Variants in KNTC1 observed in about 807,000 individuals in gnomAD.
KNTC1 encodes kinetochore associated 1.
KNTC1 carries 253 observed loss-of-function variants against 314.4 expected under a neutral mutation model. The observed-to-expected ratio is 0.80, with a 90% confidence interval of 0.73 to 0.89. The LOEUF (loss-of-function observed/expected upper bound fraction) is 0.89. Among genes scored for constraint, KNTC1 ranks in the 40% least tolerant of loss-of-function variants. The probability of loss-of-function intolerance (pLI) is 0.00; values close to 1 mark genes in which losing one functional copy is unlikely to be tolerated. For synonymous variants in KNTC1, 901 were observed against 901.4 expected (o/e 1.00, Z 0.01); for missense variants, 2,475 against 2,572.9 (o/e 0.96, Z 0.82).
intron 8 of KNTC1, among the ~76,000 whole-genome samples, 188 bp downstream of exon 8, chr12:122,544,457 TTC>T (rs1271515053): frequency 6.6e-6 from 1 of 152,192 alleles, no homozygotes; most frequent in Non-Finnish European, 1.5e-5. Context: ...CATCTTTACT[TTC>T]CCTAGTCTTT....
chr12:122,609,406 T>A lies in KNTC1; in HGVS notation c.5519T>A (p.Leu1840His). ...AAGAAACCATCAGAATTATTTGAACTTCAAGAAGATGAAGCCCTACGAAGG... is the reference window on the plus strand; with the variant it reads ...AAGAAACCATCAGAATTATTTGAACATCAAGAAGATGAAGCCCTACGAAGG... ...PGEKPSELFE[L>H]QEDEALRRVQ... Residue 1840 changes from leucine (L) to histidine (H), a missense_variant, in exon 52 of 64, where the codon CTT becomes CAT. Leu to His is a moderately conservative substitution (Grantham distance 99). Coordinates refer to ENST00000333479, the MANE Select transcript of KNTC1 (RefSeq NM_014708.6). 2 of 1,586,904 alleles carry A rather than the reference T, an allele frequency of 1.3e-6. No homozygotes were observed. Among genetic ancestry groups the A allele is most frequent in the South Asian group, 2.3e-5 (2 of 86,232 alleles).
chr12:122,568,065 G>A (rs976170584), intron 20 of KNTC1, among the ~76,000 whole-genome samples, 196 bp from the exon 21 acceptor site: 2 of 152,140 alleles, frequency 1.3e-5, no homozygotes, highest in African/African-American at 4.8e-5. Context: ...GGAAGATGTC[G>A]GGAGTTCTAG....
intron 1 of KNTC1, 93 bp from the exon 2 acceptor site, chr12:122,529,898 C>A: frequency 1.7e-6 from 1 of 605,680 alleles, no homozygotes; most frequent in Non-Finnish European, 2.7e-6. Flanking sequence ...AACAAGAAGA[C>A]TAAGATGTCT....
At chr12:122,553,972 T>C (rs963976100) in intron 16 of KNTC1, among the ~76,000 whole-genome samples, 4 of 151,270 alleles carry the variant, frequency 2.6e-5, no homozygotes, top group African/African-American at 7.3e-5. Flanking sequence ...CTTACTGTAG[T>C]TGGTTAAAGA....
rs3741541 is a variant in KNTC1 at position 122,591,294 on chromosome 12, A to G, written c.4129-43A>G. On this transcript the variant is annotated intron_variant, in intron 41 of 63. Transcript: ENST00000333479. ...CGTCTAAAAGGTGTTATAAGAATAC[A>G]TTCTACTTACGATTGAACTTTAATT... 3.9e-4 allele frequency: 388 copies of G among 990,054 alleles called. 3 individuals are homozygous for G. In the East Asian group the frequency reaches 7.5e-3, roughly 19 times the overall value. The allele number at this position is 990,054 out of a possible 1,614,324, so 61.3% of individuals were successfully genotyped here.
chr12:122,567,059 G>A (rs1239892192), intron 20 of KNTC1, among the ~76,000 whole-genome samples: 3 of 151,128 alleles, frequency 2.0e-5, no homozygotes, highest in African/African-American at 4.9e-5. Context: ...AGGATGTGGC[G>A]AGCTAGTGAT....
At chr12:122,596,273 G>A (rs186652937) in intron 43 of KNTC1, among the ~76,000 whole-genome samples, 6 of 151,844 alleles carry the variant, frequency 4.0e-5, no homozygotes, top group Admixed American at 1.3e-4. Context: ...AGTAGAGACC[G>A]GGTTTCACCA....
In KNTC1 at chr12:122,546,708, T is replaced by C. The variant is rs75052706; in HGVS notation, c.816+34T>C. 0.01 allele frequency: 14,179 copies of C among 1,352,668 alleles called. 1,131 individuals carry two copies. In the African/African-American group the frequency reaches 0.18, roughly 17 times the overall value. The allele number at this position is 1,352,668 out of a possible 1,614,324, so 83.8% of individuals were successfully genotyped here. ...CTTGTTTCTCCTTCAATGTTTTTAC[T>C]TGATATGTTTTACAACAAAAATGTC... On this transcript the variant is annotated intron_variant, in intron 10 of 63. Coordinates refer to ENST00000333479, the MANE Select transcript of KNTC1 (RefSeq NM_014708.6).
rs915581973 is a variant in KNTC1 at position 122,557,453 on chromosome 12, C to T, written c.1342C>T (p.Gln448Ter). The change falls in exon 17 of 64, where the codon CAG (glutamine) becomes TAG (stop). Residue 448 changes from glutamine to a stop codon, truncating the protein, a stop_gained. Transcript: ENST00000333479. LOFTEE classifies it high-confidence loss of function. Reference sequence around the variant, plus strand: ...ATTGAGTTCTGTGGATGCCAGTGAACAGACCGAATGGCAACAACTTGTAGA... The same window carrying T: ...ATTGAGTTCTGTGGATGCCAGTGAATAGACCGAATGGCAACAACTTGTAGA... ...LALSSVDASE[Q>*]TEWQQLVDDA... 7 of 1,613,572 alleles carry T rather than the reference C, an allele frequency of 4.3e-6. No homozygotes were observed. The African/African-American group carries it at 9.3e-5, about 22-fold the overall frequency.
In KNTC1 at chr12:122,579,920, ATGTC is replaced by A. The variant is rs773684874; in HGVS notation, c.2861_2864del (p.Ser954Ter). On this transcript the variant is annotated frameshift_variant, in exon 32 of 64. Transcript: ENST00000333479. LOFTEE classifies it high-confidence loss of function. The stretch of plus-strand genomic sequence containing the variant: ...TTATTTTTAGGGCAAGGCCTGGAGA[ATGTC>A]TGTAGCGAAGACATCCGTGGACATT... The A allele has an allele frequency of 1.2e-6, 2 of 1,610,080 alleles. No individual in the cohort carries two copies. The highest frequency in any genetic ancestry group is 3.3e-5 in the Admixed American group (2 of 59,972).
At chr12:122,552,673 A>G (rs1016103034) in intron 16 of KNTC1, among the ~76,000 whole-genome samples, 8 of 152,246 alleles carry the variant, frequency 5.3e-5, no homozygotes, top group Admixed American at 1.3e-4. Context: ...CAGGAGTGAG[A>G]TTTGATTTTG....
intron 2 of KNTC1, among the ~76,000 whole-genome samples, chr12:122,531,684 C>T (rs1157934277): frequency 6.6e-6 from 1 of 152,066 alleles, no homozygotes; most frequent in African/African-American, 2.4e-5. Flanking sequence ...TCCTTCGAGA[C>T]ATCTGAAAGC....
At position 122,620,542 on chromosome 12, in the gene KNTC1, T is replaced by TAAA; in HGVS notation, c.6213_6214insAAA (p.Leu2071_Pro2072insLys). 6.2e-7 allele frequency: 1 copy of TAAA among 1,613,682 alleles called. No individual in the cohort carries two copies. ...CCAGGCAGTATATCCAGTTAGAACT[T>TAAA]CCGGCTTTTGCATTAGCTTGTCTGA... On this transcript the variant is annotated inframe_insertion, in exon 60 of 64. Coordinates refer to ENST00000333479, the MANE Select transcript of KNTC1 (RefSeq NM_014708.6).
intron 20 of KNTC1, among the ~76,000 whole-genome samples, chr12:122,565,561 GT>G (rs1318706153): frequency 1.3e-5 from 2 of 148,874 alleles, no homozygotes; most frequent in African/African-American, 5.0e-5. Flanking sequence ...TTTTATGTCT[GT>G]TTGGAAAAAT....
chr12:122,618,249 G>A lies in KNTC1; in HGVS notation c.6031-94G>A, dbSNP rs573283897. ...AGCCTTTCAAAGTGCTGGGATTATA[G>A]GTGTGAGCCACCGCGCCTGGCCTAG... On this transcript the variant is annotated intron_variant, in intron 57 of 63. Coordinates refer to ENST00000333479, the MANE Select transcript of KNTC1 (RefSeq NM_014708.6). The A allele has an allele frequency of 5.3e-4, 555 of 1,038,952 alleles. 1 individual carries two copies. The highest frequency in any genetic ancestry group is 1.2e-3 in the Middle Eastern group (5 of 4,166). The allele number at this position is 1,038,952 out of a possible 1,614,324, so 64.4% of individuals were successfully genotyped here. A position where few individuals can be genotyped will look rare whatever the true frequency, so the allele number is the denominator to read the frequency against.
intron 35 of KNTC1, 86 bp downstream of exon 35, chr12:122,584,536 C>A: frequency 3.1e-6 from 3 of 961,588 alleles, no homozygotes; most frequent in Non-Finnish European, 4.6e-6. Flanking sequence ...TACAATTGGA[C>A]ATCACGGTAA....
chr12:122,572,739 A>T (rs2137921227), intron 24 of KNTC1, among the ~76,000 whole-genome samples, 198 bp from the exon 25 acceptor site: 1 of 152,230 alleles, frequency 6.6e-6, no homozygotes, highest in Non-Finnish European at 1.5e-5. Flanking sequence ...TTTAAGAGAA[A>T]ATATCTTTCA....
intron 1 of KNTC1, 46 bp from the exon 2 acceptor site, chr12:122,529,945 G>T (rs2137630901): frequency 9.1e-7 from 1 of 1,104,108 alleles, no homozygotes; most frequent in Admixed American, 3.0e-5. Flanking sequence ...TTTGTTTTGT[G>T]AGTAAGCTTT....
At position 122,576,618 on chromosome 12, in the gene KNTC1, T is replaced by C. The variant is rs550694837; in HGVS notation, c.2587-277T>C. ...ATCACTTGAACCTGGGAGGCAGAGG[T>C]TGCAGTGAGCCGAGATTGCGCCACT... On this transcript the variant is annotated intron_variant, in intron 29 of 63. Transcript: ENST00000333479. Among the ~76,000 whole-genome samples the C allele has an allele frequency of 6.6e-5, 10 of 152,058 alleles. No individual in the cohort carries two copies. The East Asian group carries it at 1.8e-3, about 27-fold the overall frequency.
Sources: gnomAD v4.1 joint callset for allele counts (sites outside exome capture counted in the v4.1 genomes callset) on GRCh38, gnomAD v4.1.1 for gene constraint, MANE v1.5 for transcripts, NCBI Gene and HGNC (gene_info 2026-07-23, HGNC 2026-07-21) for gene names.